EYA4: variants seen among roughly 807,000 people sequenced by gnomAD.
EYA4 encodes EYA transcriptional coactivator and phosphatase 4.
In EYA4, 31 loss-of-function variants were observed where a neutral mutation model predicts 87.9. The ratio of observed to expected loss-of-function variants is 0.35; its 90% CI spans 0.27 to 0.48. EYA4 has a LOEUF of 0.48. EYA4 is among the 20% of genes least tolerant of loss of function. The pLI, the probability that EYA4 is intolerant of heterozygous loss-of-function variation, is 0.99. For missense variants in EYA4, 678 were observed against 761.4 expected (o/e 0.89, Z 1.29); for synonymous variants, 263 against 270.6 (o/e 0.97, Z 0.28).
In EYA4 at chr6:133,468,740, C is replaced by G. The variant is rs756408633; in HGVS notation, c.970+9C>G. 6.2e-7 allele frequency: 1 copy of G among 1,612,468 alleles called. No homozygotes were observed. Among genetic ancestry groups the G allele is most frequent in the Non-Finnish European group, 8.5e-7 (1 of 1,178,762 alleles). ...ACTGACTAACCAACCAGGTACAGATCTTCACCCAGGTGAAATACTTTTATA... is the reference window on the plus strand; with the variant it reads ...ACTGACTAACCAACCAGGTACAGATGTTCACCCAGGTGAAATACTTTTATA... On this transcript the variant is annotated intron_variant, in intron 11 of 19. Coordinates refer to ENST00000355286, the MANE Select transcript of EYA4 (RefSeq NM_004100.5).
intron 2 of EYA4, among the ~76,000 whole-genome samples, chr6:133,295,791 G>A (rs1032445407): frequency 1.3e-5 from 2 of 152,122 alleles, no homozygotes; most frequent in Non-Finnish European, 2.9e-5. Context: ...TTCATTGATG[G>A]ATGTATTAAA....
intron 2 of EYA4, among the ~76,000 whole-genome samples, chr6:133,323,460 T>C (rs1249742353): frequency 6.6e-6 from 1 of 152,162 alleles, no homozygotes; most frequent in African/African-American, 2.4e-5. Flanking sequence ...TTTTGACATA[T>C]TAATCTGAAT....
intron 2 of EYA4, among the ~76,000 whole-genome samples, chr6:133,365,209 C>A (rs924386575): frequency 6.6e-6 from 1 of 152,114 alleles, no homozygotes; most frequent in African/African-American, 2.4e-5. Context: ...TCACCAAGCG[C>A]CCCCAAACCT....
intron 2 of EYA4, among the ~76,000 whole-genome samples, chr6:133,295,046 G>C (rs1294114883): frequency 1.3e-5 from 2 of 152,072 alleles, no homozygotes; most frequent in Non-Finnish European, 2.9e-5. Flanking sequence ...TATCACACAA[G>C]ATAGTGTTAT....
chr6:133,511,326 T>A (rs11964979), intron 14 of EYA4, among the ~76,000 whole-genome samples: 28,833 of 151,842 alleles, frequency 0.19, 3,196 homozygotes, highest in African/African-American at 0.3. Context: ...TGATTTTTTT[T>A]AAAAATTAAT....
chr6:133,311,725 G>T (rs1320405837), intron 2 of EYA4, among the ~76,000 whole-genome samples: 2 of 152,200 alleles, frequency 1.3e-5, no homozygotes, highest in Non-Finnish European at 2.9e-5. Context: ...TGCAAAGCCT[G>T]CATGGTCTGC....
intron 2 of EYA4, among the ~76,000 whole-genome samples, chr6:133,362,651 G>T (rs545893704): frequency 5.3e-5 from 8 of 152,318 alleles, no homozygotes; most frequent in African/African-American, 1.7e-4. Context: ...AAGTCTAGGG[G>T]TTCCCAGAAC....
intron 3 of EYA4, among the ~76,000 whole-genome samples, chr6:133,390,275 G>A (rs1239916230): frequency 6.6e-6 from 1 of 151,882 alleles, no homozygotes; most frequent in Non-Finnish European, 1.5e-5. Flanking sequence ...ACTGGAGTGC[G>A]GTGGCAGAAT....
chr6:133,377,564 G>GTTTTTTTTTTT (rs145391738), intron 2 of EYA4, among the ~76,000 whole-genome samples: 1 of 116,324 alleles, frequency 8.6e-6, no homozygotes, highest in Non-Finnish European at 1.7e-5. Context: ...TTTCACATTA[G>GTTTTTTTTTTT]TTTTTTTTTT....
At chr6:133,375,729 A>G (rs1370992165) in intron 2 of EYA4, among the ~76,000 whole-genome samples, 2 of 151,938 alleles carry the variant, frequency 1.3e-5, no homozygotes, top group Non-Finnish European at 2.9e-5. Flanking sequence ...TGGAATAATT[A>G]TTTAAAATAC....
chr6:133,368,799 G>A (rs1294906701), intron 2 of EYA4, among the ~76,000 whole-genome samples: 2 of 152,224 alleles, frequency 1.3e-5, no homozygotes, highest in African/African-American at 4.8e-5. Context: ...CGCAGCAGAA[G>A]CAGCTGACAC....
intron 2 of EYA4, among the ~76,000 whole-genome samples, chr6:133,311,792 A>G (rs545249712): frequency 4.6e-4 from 70 of 152,308 alleles, no homozygotes; most frequent in African/African-American, 1.6e-3. Flanking sequence ...AATGTTCATT[A>G]AAACACTTGT....
At chr6:133,266,426 A>T (rs1039540326) in intron 1 of EYA4, among the ~76,000 whole-genome samples, 1 of 152,154 alleles carries the variant, frequency 6.6e-6, no homozygotes, top group Non-Finnish European at 1.5e-5. Context: ...CAGCACCTTG[A>T]TTTAGGACTT....
chr6:133,468,816 G>C, intron 11 of EYA4, 85 bp downstream of exon 11: 1 of 1,356,310 alleles, frequency 7.4e-7, no homozygotes, highest in African/African-American at 1.4e-5. Flanking sequence ...CAAAAACATG[G>C]CGGAAAGCTC....
At chr6:133,356,941 A>C (rs2128438794) in intron 2 of EYA4, among the ~76,000 whole-genome samples, 1 of 151,592 alleles carries the variant, frequency 6.6e-6, no homozygotes, top group South Asian at 2.1e-4. Flanking sequence ...TTTTGAACTG[A>C]GATTGTCCTA....
At chr6:133,332,635 C>G (rs1204266178) in intron 2 of EYA4, among the ~76,000 whole-genome samples, 2 of 152,070 alleles carry the variant, frequency 1.3e-5, no homozygotes, top group Non-Finnish European at 2.9e-5. Context: ...CCTCCGCCTC[C>G]CGGGTTCAAG....
intron 3 of EYA4, among the ~76,000 whole-genome samples, chr6:133,438,386 G>A (rs193043379): frequency 8.1e-5 from 12 of 148,016 alleles, no homozygotes; most frequent in East Asian, 6.0e-4. Flanking sequence ...ATTCCTGACC[G>A]GTGTTCCTTC....
intron 14 of EYA4, among the ~76,000 whole-genome samples, chr6:133,507,886 C>T (rs536560461): frequency 6.6e-6 from 1 of 152,154 alleles, no homozygotes; most frequent in South Asian, 2.1e-4. Context: ...TGGGTATATA[C>T]CCAGTAGTGG....
At position 133,400,121 on chromosome 6, in the gene EYA4, T is replaced by G. The variant is rs190866524; in HGVS notation, c.83+17680T>G. ...CTTTTTGCACTTATATATTTTCTAT[T>G]CAAGAGTTTCATGATAAAATGAAAT... On this transcript the variant is annotated intron_variant, in intron 3 of 19. Transcript: ENST00000355286. Among the ~76,000 whole-genome samples the G allele has an allele frequency of 9.2e-5, 14 of 152,332 alleles. 1 individual carries two copies. Among genetic ancestry groups the G allele is most frequent in the Admixed American group, 9.1e-4 (14 of 15,304 alleles).
Sources: gnomAD v4.1 joint callset for allele counts (sites outside exome capture counted in the v4.1 genomes callset) on GRCh38, gnomAD v4.1.1 for gene constraint, MANE v1.5 for transcripts, NCBI Gene and HGNC (gene_info 2026-07-23, HGNC 2026-07-21) for gene names.